OSBPL3: variants seen among roughly 807,000 people sequenced by gnomAD.
OSBPL3 encodes the protein oxysterol-binding protein-related protein 3.
Under a neutral mutation model 120.1 loss-of-function variants are expected in OSBPL3, and 65 were observed. The observed-to-expected ratio is 0.54, with a 90% CI of 0.44 to 0.67. The LOEUF is 0.67. OSBPL3 is among the 30% of genes least tolerant of loss of function. The probability of loss-of-function intolerance (pLI) is 0.00; values close to 1 mark genes in which losing one functional copy is unlikely to be tolerated. For missense variants in OSBPL3, 1,004 were observed against 1,082.1 expected (o/e 0.93, Z 1.01); for synonymous variants, 416 against 402.6 (o/e 1.03, Z -0.40).
chr7:24,821,830 A>G lies in OSBPL3; in HGVS notation c.1885-1592T>C, dbSNP rs549363668. ...CAACTTTCACTTCAAGCACTGACTT[A>G]GAAACCTAATCCCATAATGTAACTC... On this transcript the variant is annotated intron_variant, in intron 16 of 22. Transcript: ENST00000313367. This position sits in a 1 kb window ranked among gnomAD's most constrained non-coding sequence, Gnocchi z 5.5. Among the ~76,000 whole-genome samples, 8 of 152,338 alleles carry G rather than the reference A, an allele frequency of 5.3e-5. No homozygotes were observed. The highest frequency in any genetic ancestry group is 1.7e-4 in the African/African-American group (7 of 41,576).
At chr7:24,908,364 A>C (rs1808262762) in intron 1 of OSBPL3, among the ~76,000 whole-genome samples, 1 of 152,124 alleles carries the variant, frequency 6.6e-6, no homozygotes, top group African/African-American at 2.4e-5. Context: ...ATCTGATTGA[A>C]TCTCCTTTTT....
Position 24,964,433 on chromosome 7 carries a change from T to G in OSBPL3, c.-150+15453A>C, listed in dbSNP as rs1344903596. Among the ~76,000 whole-genome samples the G allele has an allele frequency of 6.6e-6, 1 of 152,076 alleles. No homozygotes were observed. The highest frequency in any genetic ancestry group is 1.5e-5 in the Non-Finnish European group (1 of 68,022). On this transcript the variant is annotated intron_variant, in intron 1 of 22. Coordinates refer to ENST00000313367, the MANE Select transcript of OSBPL3 (RefSeq NM_015550.4). The surrounding 1 kb of genome is among the most constrained non-coding windows in gnomAD (Gnocchi z 4.2). ...TGGCATTTTACCTCTGTAATCTTCTTCCCCAAAACCCATAACCCCAGTCCA... is the reference window on the plus strand; with the variant it reads ...TGGCATTTTACCTCTGTAATCTTCTGCCCCAAAACCCATAACCCCAGTCCA...
chr7:24,928,667 G>A (rs1052165992), intron 1 of OSBPL3, among the ~76,000 whole-genome samples: 3 of 152,134 alleles, frequency 2.0e-5, no homozygotes, highest in African/African-American at 7.2e-5. Context: ...GCTCCCTCAT[G>A]CCCTTTTGCA....
intron 13 of OSBPL3, among the ~76,000 whole-genome samples, chr7:24,841,318 ATAT>A (rs1380945669): frequency 1.4e-5 from 2 of 144,348 alleles, no homozygotes; most frequent in African/African-American, 5.1e-5. Context: ...ATATAATTAT[ATAT>A]TATAAATCAA....
intron 9 of OSBPL3, 113 bp from the exon 10 acceptor site, chr7:24,861,882 G>GTA: frequency 3.4e-6 from 2 of 592,356 alleles, no homozygotes; most frequent in Non-Finnish European, 5.3e-6. Flanking sequence ...TTATAGGTAG[G>GTA]TCTTTTTTTT....
At chr7:24,920,429 A>G (rs1292792870) in intron 1 of OSBPL3, among the ~76,000 whole-genome samples, 1 of 152,230 alleles carries the variant, frequency 6.6e-6, no homozygotes, top group Non-Finnish European at 1.5e-5. Context: ...TAAAATGTCC[A>G]GAATAAGCAA....
At chr7:24,893,708 A>G (rs1805693386) in intron 1 of OSBPL3, among the ~76,000 whole-genome samples, 1 of 110,528 alleles carries the variant, frequency 9.0e-6, no homozygotes, top group Non-Finnish European at 1.7e-5. Flanking sequence ...GCTACTCAAG[A>G]GGCTGAGGCA....
chr7:24,976,509 T>C (rs1386130791), intron 1 of OSBPL3, among the ~76,000 whole-genome samples: 2 of 150,720 alleles, frequency 1.3e-5, no homozygotes, highest in East Asian at 3.9e-4. Context: ...AGGGTGAGCC[T>C]GAAGGTGATC....
Position 24,899,981 on chromosome 7 carries a change from C to T in OSBPL3, c.-149-7360G>A, listed in dbSNP as rs1806746720. Among the ~76,000 whole-genome samples the T allele has an allele frequency of 6.6e-6, 1 of 152,180 alleles. No individual in the cohort carries two copies. Among genetic ancestry groups the T allele is most frequent in the South Asian group, 2.1e-4 (1 of 4,820 alleles). On this transcript the variant is annotated intron_variant, in intron 1 of 22. Coordinates refer to ENST00000313367, the MANE Select transcript of OSBPL3 (RefSeq NM_015550.4). This position sits in a 1 kb window ranked among gnomAD's most constrained non-coding sequence, Gnocchi z 4.0. ...GTAGCTTTCAACCTTTCTTATTTGA[C>T]TCCAAGCCAATCCTTCTATTTGTGT...
In OSBPL3 at chr7:24,849,088, G is replaced by T; in HGVS notation, c.1247C>A (p.Ser416Ter). ...LLLDSPAVAK[S>*]GDNLAEENSR... is the part of the protein sequence containing the mutation. ...ACCCACCTCTGCCAGATTGTCACCC[G>T]ACTTGGCGACAGCGGGGGAGTCGAG... Residue 416 changes from serine (S) to a stop codon, truncating the protein, a stop_gained, in exon 12 of 23, where the codon TCG (serine) becomes TAG (stop). Transcript: ENST00000313367. LOFTEE classifies it high-confidence loss of function. This position sits in a 1 kb window ranked among gnomAD's most constrained non-coding sequence, Gnocchi z 5.4. 1 of 1,613,414 alleles carries T rather than the reference G, an allele frequency of 6.2e-7. No homozygotes were observed. The highest frequency in any genetic ancestry group is 1.1e-5 in the South Asian group (1 of 91,022).
chr7:24,910,848 G>C (rs146482893), intron 1 of OSBPL3, among the ~76,000 whole-genome samples: 1 of 152,320 alleles, frequency 6.6e-6, no homozygotes, highest in African/African-American at 2.4e-5. Flanking sequence ...GCTGTGAGCT[G>C]GGTCGGGAGG....
rs779394411 is a variant in OSBPL3 at position 24,831,193 on chromosome 7, T to C, written c.1747-288A>G. On this transcript the variant is annotated intron_variant, in intron 15 of 22. Coordinates refer to ENST00000313367, the MANE Select transcript of OSBPL3 (RefSeq NM_015550.4). This position sits in a 1 kb window ranked among gnomAD's most constrained non-coding sequence, Gnocchi z 4.0. The stretch of plus-strand genomic sequence containing the variant: ...TTTCTAAACTGGACTACACTGTTTC[T>C]GGAAACTGTTAAGCTGAGTCCAGTA... 6.6e-6 allele frequency among the ~76,000 whole-genome samples: 1 copy of C among 152,206 alleles called. No individual in the cohort carries two copies. Among genetic ancestry groups the C allele is most frequent in the Non-Finnish European group, 1.5e-5 (1 of 68,032 alleles).
rs1038681906 is a variant in OSBPL3, at chr7:24,939,284, T to C, written c.-150+40602A>G. Among the ~76,000 whole-genome samples the C allele has an allele frequency of 6.6e-6, 1 of 152,238 alleles. No homozygotes were observed. The highest frequency in any genetic ancestry group is 1.5e-5 in the Non-Finnish European group (1 of 68,042). On this transcript the variant is annotated intron_variant, in intron 1 of 22. Coordinates refer to ENST00000313367, the MANE Select transcript of OSBPL3 (RefSeq NM_015550.4). This position sits in a 1 kb window ranked among gnomAD's most constrained non-coding sequence, Gnocchi z 4.2. The stretch of plus-strand genomic sequence containing the variant: ...CTGGTAATTGTCTGCCCAGTAGCCA[T>C]TCTCCTGTGCTTCTTTGTGGCTGAC...
Position 24,967,709 on chromosome 7 carries a change from T to G in OSBPL3, c.-150+12177A>C, listed in dbSNP as rs62451592. On this transcript the variant is annotated intron_variant, in intron 1 of 22. Coordinates refer to ENST00000313367, the MANE Select transcript of OSBPL3 (RefSeq NM_015550.4). This position sits in a 1 kb window ranked among gnomAD's most constrained non-coding sequence, Gnocchi z 5.6. ...ACCTCTTGGCTTACCTTCCCCAAGG[T>G]ACTACAGGCTTCCCCCTTTCTCTCC... Among the ~76,000 whole-genome samples, 1 of 152,148 alleles carries G rather than the reference T, an allele frequency of 6.6e-6. No homozygotes were observed. The highest frequency in any genetic ancestry group is 2.4e-5 in the African/African-American group (1 of 41,430).
chr7:24,926,616 C>G (rs1482050315), intron 1 of OSBPL3, among the ~76,000 whole-genome samples: 1 of 152,220 alleles, frequency 6.6e-6, no homozygotes, highest in African/African-American at 2.4e-5. Flanking sequence ...CCCACCCTTA[C>G]TGTGGGCACA....
intron 1 of OSBPL3, among the ~76,000 whole-genome samples, chr7:24,951,568 CTTAA>C (rs1814443793): frequency 6.6e-6 from 1 of 152,166 alleles, no homozygotes; most frequent in African/African-American, 2.4e-5. Context: ...ATGACTTAAA[CTTAA>C]TTATTGTGCA....
intron 1 of OSBPL3, among the ~76,000 whole-genome samples, chr7:24,941,619 T>C (rs562821742): frequency 6.0e-4 from 91 of 152,322 alleles, no homozygotes; most frequent in Middle Eastern, 3.4e-3. Context: ...TTATAGCACC[T>C]GCATCCCGTA....
intron 1 of OSBPL3, among the ~76,000 whole-genome samples, chr7:24,961,024 T>G (rs1815673257): frequency 6.6e-6 from 1 of 152,184 alleles, no homozygotes; most frequent in Non-Finnish European, 1.5e-5. Flanking sequence ...GAAATAATTT[T>G]TTTAAACCTG....
Position 24,863,688 on chromosome 7 carries a change from T to A in OSBPL3, c.674-89A>T. 1.2e-6 allele frequency: 1 copy of A among 842,280 alleles called. No homozygotes were observed. Among genetic ancestry groups the A allele is most frequent in the Non-Finnish European group, 1.9e-6 (1 of 516,428 alleles). The allele number at this position is 842,280 out of a possible 1,614,324, so 52.2% of individuals were successfully genotyped here. On this transcript the variant is annotated intron_variant, in intron 7 of 22. Transcript: ENST00000313367. This position sits in a 1 kb window ranked among gnomAD's most constrained non-coding sequence, Gnocchi z 5.8. Reference sequence around the variant, plus strand: ...CCCATGCCAGCTACTTTTCCTTATTTATCTGTAGTTGATTTTTTTTTTCAT... The same window carrying A: ...CCCATGCCAGCTACTTTTCCTTATTAATCTGTAGTTGATTTTTTTTTTCAT...
Sources: gnomAD v4.1 joint callset for allele counts (sites outside exome capture counted in the v4.1 genomes callset) on GRCh38, gnomAD v4.1.1 for gene constraint, Gnocchi (gnomAD v3.1) non-coding constraint, MANE v1.5 for transcripts, NCBI Gene and HGNC (gene_info 2026-07-23, HGNC 2026-07-21) for gene names.